The following SEMA3D variants were observed in gnomAD, a reference collection of about 807,000 sequenced individuals.
The protein encoded by SEMA3D is semaphorin-3D.
A neutral mutation model predicts 100.1 loss-of-function variants in SEMA3D; 84 were observed. That is an observed-to-expected ratio of 0.84 (90% CI 0.70 to 1.01). The LOEUF is 1.01. Among genes scored for constraint, SEMA3D ranks in the 50% least tolerant of loss-of-function variants. SEMA3D has a pLI of 0.00. For missense variants in SEMA3D, 875 were observed against 934.1 expected (o/e 0.94, Z 0.82); for synonymous variants, 312 against 320.7 (o/e 0.97, Z 0.29).
At chr7:85,182,556 A>G (rs1182021350) in intron 1 of SEMA3D, among the ~76,000 whole-genome samples, 1 of 152,210 alleles carries the variant, frequency 6.6e-6, no homozygotes, top group African/African-American at 2.4e-5. Flanking sequence ...ACCTAGTAAG[A>G]GATCATAACA....
chr7:85,103,655 A>T (rs1562819472), intron 3 of SEMA3D, among the ~76,000 whole-genome samples: 1 of 152,004 alleles, frequency 6.6e-6, no homozygotes, highest in South Asian at 2.1e-4. Context: ...TCCTTTTAGC[A>T]GTGCATTCTC....
At chr7:85,199,437 G>T in the SEMA3D span, among the ~76,000 whole-genome samples, 1 of 152,072 alleles carries the variant, frequency 6.6e-6, no homozygotes, top group Non-Finnish European at 1.5e-5. Flanking sequence ...AAAGCTAGTT[G>T]TTTTGTTAGT....
chr7:85,096,843 A>G (rs1277987657), intron 4 of SEMA3D, among the ~76,000 whole-genome samples: 1 of 151,872 alleles, frequency 6.6e-6, no homozygotes, highest in African/African-American at 2.4e-5. Flanking sequence ...TTAATACTGT[A>G]TGTAGCTTCA....
intron 1 of SEMA3D, among the ~76,000 whole-genome samples, chr7:85,168,779 T>G (rs1017913317): frequency 6.1e-5 from 9 of 147,532 alleles, no homozygotes; most frequent in African/African-American, 2.2e-4. Flanking sequence ...TATATTCATG[T>G]TTAAGGAAGG....
chr7:85,166,635 G>T (rs1234980502), intron 1 of SEMA3D, among the ~76,000 whole-genome samples: 4 of 151,894 alleles, frequency 2.6e-5, no homozygotes, highest in Admixed American at 6.6e-5. Flanking sequence ...AAAGCAAATT[G>T]CCCAAGGCTA....
At chr7:85,214,908 C>A in the SEMA3D span, among the ~76,000 whole-genome samples, 1 of 152,186 alleles carries the variant, frequency 6.6e-6, no homozygotes, top group Non-Finnish European at 1.5e-5. Flanking sequence ...CACTTGGGTT[C>A]TTTTTGGCCT....
intron 3 of SEMA3D, among the ~76,000 whole-genome samples, chr7:85,108,954 T>A (rs964011058): frequency 6.6e-6 from 1 of 151,796 alleles, no homozygotes; most frequent in African/African-American, 2.4e-5. Flanking sequence ...AAAAAAGGTG[T>A]CAAGATGAGG....
the SEMA3D span, among the ~76,000 whole-genome samples, chr7:85,248,256 C>T: frequency 6.6e-6 from 1 of 152,064 alleles, no homozygotes; most frequent in African/African-American, 2.4e-5. Flanking sequence ...GTGAAATTCA[C>T]TTTAAAACAA....
chr7:85,118,201 G>C (rs1010531283), intron 3 of SEMA3D, among the ~76,000 whole-genome samples: 1 of 151,750 alleles, frequency 6.6e-6, no homozygotes, highest in Non-Finnish European at 1.5e-5. Context: ...CATTATTTTT[G>C]TTAATACATT....
At chr7:85,196,057 C>T in the SEMA3D span, among the ~76,000 whole-genome samples, 4 of 151,996 alleles carry the variant, frequency 2.6e-5, no homozygotes, top group Non-Finnish European at 4.4e-5. Context: ...ACCAAAGATG[C>T]TATTTAAAAT....
At chr7:85,155,819 C>G (rs949397274) in intron 1 of SEMA3D, among the ~76,000 whole-genome samples, 3 of 152,052 alleles carry the variant, frequency 2.0e-5, no homozygotes, top group African/African-American at 7.2e-5. Flanking sequence ...CCCTTGATAT[C>G]TCATGAAGTT....
chr7:85,081,110 T>C (rs1221979483), intron 5 of SEMA3D, among the ~76,000 whole-genome samples: 1 of 152,186 alleles, frequency 6.6e-6, no homozygotes, highest in African/African-American at 2.4e-5. Flanking sequence ...CAGTTGAAAT[T>C]ATGTATCAAT....
intron 2 of SEMA3D, among the ~76,000 whole-genome samples, chr7:85,122,828 A>G (rs1789465943): frequency 6.6e-6 from 1 of 152,324 alleles, no homozygotes; most frequent in East Asian, 1.9e-4. Flanking sequence ...ATAAGGGTTT[A>G]TAAGAGGGAG....
intron 2 of SEMA3D, among the ~76,000 whole-genome samples, chr7:85,136,542 G>C (rs1385135891): frequency 6.6e-6 from 1 of 151,928 alleles, no homozygotes; most frequent in Non-Finnish European, 1.5e-5. Context: ...TTTATAATCT[G>C]TAAATGGTAT....
the SEMA3D span, among the ~76,000 whole-genome samples, chr7:85,233,330 T>C: frequency 2.0e-5 from 3 of 152,166 alleles, no homozygotes; most frequent in African/African-American, 7.2e-5. Context: ...GCCTTTGAGA[T>C]GATTAGTACC....
chr7:85,217,930 C>T, the SEMA3D span, among the ~76,000 whole-genome samples: 1 of 152,040 alleles, frequency 6.6e-6, no homozygotes, highest in Non-Finnish European at 1.5e-5. Context: ...TCATCATTTT[C>T]AATTATCAAT....
At chr7:85,171,918 G>A (rs919462972) in intron 1 of SEMA3D, among the ~76,000 whole-genome samples, 1 of 151,542 alleles carries the variant, frequency 6.6e-6, no homozygotes, top group Admixed American at 6.6e-5. Flanking sequence ...AGGACTCAGG[G>A]AATAGAAAAT....
intron 16 of SEMA3D, 95 bp downstream of exon 16, chr7:85,014,964 T>A (rs1323114436): frequency 4.6e-6 from 4 of 874,620 alleles, no homozygotes; most frequent in Non-Finnish European, 6.9e-6. Flanking sequence ...TAGTAATATA[T>A]TTTCTCTTTA....
intron 9 of SEMA3D, among the ~76,000 whole-genome samples, chr7:85,054,564 A>T (rs77173412): frequency 0.016 from 2,397 of 152,216 alleles, 27 homozygotes; most frequent in Middle Eastern, 0.068. Flanking sequence ...TGGCTAGGAC[A>T]CTAGGTAAAG....
Sources: gnomAD v4.1 joint callset for allele counts (sites outside exome capture counted in the v4.1 genomes callset) on GRCh38, gnomAD v4.1.1 for gene constraint, MANE v1.5 for transcripts, NCBI Gene and HGNC (gene_info 2026-07-23, HGNC 2026-07-21) for gene names.